Variants in FAM13A observed in about 807,000 individuals in gnomAD.
FAM13A encodes the protein family with sequence similarity 13 member A, also known as protein FAM13A.
A neutral mutation model predicts 129.6 loss-of-function variants in FAM13A; 76 were observed. The ratio of observed to expected loss-of-function variants is 0.59; its 90% CI spans 0.49 to 0.71. FAM13A has a LOEUF of 0.71. FAM13A is among the 30% of genes least tolerant of loss of function. The probability of loss-of-function intolerance (pLI) is 0.00; values close to 1 mark genes in which losing one functional copy is unlikely to be tolerated. For synonymous variants in FAM13A, 443 were observed against 449.9 expected (o/e 0.98, Z 0.20); for missense variants, 1,108 against 1,249.3 (o/e 0.89, Z 1.70).
intron 7 of FAM13A, among the ~76,000 whole-genome samples, chr4:88,819,433 G>C (rs1561078816): frequency 6.6e-6 from 1 of 152,128 alleles, no homozygotes; most frequent in Non-Finnish European, 1.5e-5. Context: ...TGAGAGTTTT[G>C]TCATAGCTAT....
At chr4:89,015,425 C>A (rs577403256) in intron 3 of FAM13A, among the ~76,000 whole-genome samples, 1 of 152,098 alleles carries the variant, frequency 6.6e-6, no homozygotes, top group African/African-American at 2.4e-5. Flanking sequence ...GTGATGTCTC[C>A]CCCGGACACC....
At chr4:89,013,605 T>C (rs1297418592) in intron 3 of FAM13A, among the ~76,000 whole-genome samples, 1 of 152,184 alleles carries the variant, frequency 6.6e-6, no homozygotes, top group African/African-American at 2.4e-5. Context: ...AGTGATGTCA[T>C]AGCCATCATA....
chr4:88,940,281 C>G (rs1754532699), intron 4 of FAM13A, among the ~76,000 whole-genome samples: 1 of 152,104 alleles, frequency 6.6e-6, no homozygotes, highest in African/African-American at 2.4e-5. Context: ...GATGAGGGCT[C>G]AGAGGGAAAT....
chr4:89,026,227 T>C (rs1300597607), intron 2 of FAM13A, among the ~76,000 whole-genome samples: 3 of 152,206 alleles, frequency 2.0e-5, no homozygotes, highest in African/African-American at 7.2e-5. Context: ...TGTAAATAAA[T>C]CCTGTTAAAG....
chr4:88,789,032 T>C (rs936920675), intron 9 of FAM13A, among the ~76,000 whole-genome samples: 2 of 152,144 alleles, frequency 1.3e-5, no homozygotes, highest in Non-Finnish European at 2.9e-5. Flanking sequence ...GTACAGAGGA[T>C]TGTGAGTAAA....
intron 2 of FAM13A, among the ~76,000 whole-genome samples, chr4:89,022,398 A>G (rs1403744994): frequency 2.0e-5 from 3 of 152,152 alleles, no homozygotes; most frequent in African/African-American, 7.2e-5. Flanking sequence ...TCTTCCACAT[A>G]TACATATTAT....
intron 11 of FAM13A, among the ~76,000 whole-genome samples, chr4:88,771,151 A>T (rs1365706169): frequency 1.3e-4 from 19 of 143,526 alleles, no homozygotes; most frequent in South Asian, 2.2e-4. Flanking sequence ...CCCGGAAAGC[A>T]TTTTTTTTTT....
At chr4:88,732,718 C>T (rs574504511) in intron 21 of FAM13A, among the ~76,000 whole-genome samples, 21 of 151,130 alleles carry the variant, frequency 1.4e-4, no homozygotes, top group African/African-American at 5.1e-4. Context: ...TTTATGGCTG[C>T]TTAATGCACA....
At chr4:88,911,121 T>G (rs1482841171) in intron 5 of FAM13A, among the ~76,000 whole-genome samples, 4 of 152,212 alleles carry the variant, frequency 2.6e-5, no homozygotes, top group Non-Finnish European at 5.9e-5. Flanking sequence ...AAGCCCCTTG[T>G]GCATTCCTCC....
chr4:89,020,439 A>T, intron 3 of FAM13A, 21 bp downstream of exon 3: 1 of 1,594,670 alleles, frequency 6.3e-7, no homozygotes, highest in Non-Finnish European at 8.6e-7. Flanking sequence ...TTTAACTCCT[A>T]AAAGGATTTA....
intron 1 of FAM13A, among the ~76,000 whole-genome samples, chr4:89,030,709 G>A (rs1408892985): frequency 1.3e-5 from 2 of 152,152 alleles, no homozygotes; most frequent in African/African-American, 2.4e-5. Flanking sequence ...GTAAGAGACA[G>A]TTTCATCTTG....
intron 21 of FAM13A, 51 bp downstream of exon 21, chr4:88,737,417 AGGAG>A: frequency 7.0e-7 from 1 of 1,428,860 alleles, no homozygotes. Context: ...AGGGGAGGGG[AGGAG>A]GGAGGGAACT....
intron 10 of FAM13A, among the ~76,000 whole-genome samples, chr4:88,783,741 A>G (rs1723421611): frequency 6.6e-6 from 1 of 152,130 alleles, no homozygotes; most frequent in Admixed American, 6.6e-5. Flanking sequence ...AAAGAGTAAC[A>G]AGGGTGGGAC....
At chr4:89,003,437 C>G (rs1014051814) in intron 3 of FAM13A, among the ~76,000 whole-genome samples, 3 of 151,822 alleles carry the variant, frequency 2.0e-5, no homozygotes, top group Non-Finnish European at 2.9e-5. Context: ...ATGGGGAAAC[C>G]CTGTCTCTAC....
chr4:88,747,035 G>C lies in FAM13A; in HGVS notation c.2383-20C>G, dbSNP rs748327380. 7 of 1,526,152 alleles carry C rather than the reference G, an allele frequency of 4.6e-6. No homozygotes were observed. In the East Asian group the frequency reaches 9.0e-5, roughly 20 times the overall value. The allele number at this position is 1,526,152 out of a possible 1,614,324, so 94.5% of individuals were successfully genotyped here. A position where few individuals can be genotyped will look rare whatever the true frequency, so the allele number is the denominator to read the frequency against. On this transcript the variant is annotated intron_variant, in intron 18 of 23. Coordinates refer to ENST00000264344, the MANE Select transcript of FAM13A (RefSeq NM_014883.4). ...CATATCCTGTATAAACACAGGGATA[G>C]AGAATTGAAAGAGAGGAAAATGTGT...
chr4:89,051,651 T>C (rs748765501), intron 1 of FAM13A, among the ~76,000 whole-genome samples: 3 of 152,084 alleles, frequency 2.0e-5, no homozygotes, highest in South Asian at 2.1e-4. Context: ...CAATTCATAC[T>C]GAGGCAAACT....
chr4:89,001,591 A>G (rs1011692263), intron 3 of FAM13A, among the ~76,000 whole-genome samples: 2 of 152,230 alleles, frequency 1.3e-5, no homozygotes, highest in Non-Finnish European at 2.9e-5. Flanking sequence ...GGAAGGAAAT[A>G]TATCATATGC....
chr4:88,990,928 A>G (rs1186744526), intron 4 of FAM13A, 45 bp downstream of exon 4: 1 of 1,455,916 alleles, frequency 6.9e-7, no homozygotes, highest in East Asian at 2.3e-5. Flanking sequence ...TAGTAAACAC[A>G]AAGGGGGACA....
At chr4:88,921,550 AG>A (rs1186253434) in intron 5 of FAM13A, among the ~76,000 whole-genome samples, 2 of 152,232 alleles carry the variant, frequency 1.3e-5, no homozygotes, top group South Asian at 4.1e-4. Context: ...TCCTGAAGGA[AG>A]CACTAAACAT....
Sources: gnomAD v4.1 joint callset for allele counts (sites outside exome capture counted in the v4.1 genomes callset) on GRCh38, gnomAD v4.1.1 for gene constraint, MANE v1.5 for transcripts, NCBI Gene and HGNC (gene_info 2026-07-23, HGNC 2026-07-21) for gene names.